The following ARHGAP42 variants were observed in gnomAD, a reference collection of about 807,000 sequenced individuals.
ARHGAP42 encodes Rho GTPase activating protein 42, also known as rho GTPase-activating protein 42.
A neutral mutation model predicts 125.0 loss-of-function variants in ARHGAP42; 63 were observed. The ratio of observed to expected loss-of-function variants is 0.50; its 90% CI spans 0.41 to 0.62. The LOEUF is 0.62. ARHGAP42 is among the 20% of genes least tolerant of loss of function. The pLI, the probability that ARHGAP42 is intolerant of heterozygous loss-of-function variation, is 0.00. For synonymous variants in ARHGAP42, 339 were observed against 351.0 expected, an observed-to-expected ratio of 0.97 and a Z score of 0.38; for missense variants, 766 against 1,024.2, an observed-to-expected ratio of 0.75 and a Z score of 3.44.
chr11:100,788,650 A>G (rs551309978), intron 2 of ARHGAP42, among the ~76,000 whole-genome samples: 1 of 152,312 alleles, frequency 6.6e-6, no homozygotes, highest in African/African-American at 2.4e-5. Context: ...GATAAAACCA[A>G]TATTGCAGAG....
chr11:100,852,184 C>T (rs1228814395), intron 3 of ARHGAP42, among the ~76,000 whole-genome samples: 2 of 152,104 alleles, frequency 1.3e-5, no homozygotes, highest in Non-Finnish European at 2.9e-5. Context: ...TGCACAACTA[C>T]AATAAGTAAT....
intron 3 of ARHGAP42, among the ~76,000 whole-genome samples, chr11:100,838,980 CT>C (rs577284328): frequency 5.9e-4 from 86 of 146,466 alleles, no homozygotes; most frequent in Admixed American, 9.5e-4. Flanking sequence ...GAAATTATAA[CT>C]TTTTTTTTTT....
At chr11:100,803,087 T>C (rs1863900168) in intron 3 of ARHGAP42, among the ~76,000 whole-genome samples, 1 of 151,910 alleles carries the variant, frequency 6.6e-6, no homozygotes, top group Non-Finnish European at 1.5e-5. Flanking sequence ...ATGGAGCTGG[T>C]GGGGGATGTT....
At chr11:100,740,440 C>G (rs7930157) in intron 1 of ARHGAP42, among the ~76,000 whole-genome samples, 82,046 of 151,996 alleles carry the variant, frequency 0.54, 22,693 homozygotes, top group African/African-American at 0.68. Flanking sequence ...AACAGGTTAA[C>G]TAATTTGCTC....
intron 1 of ARHGAP42, among the ~76,000 whole-genome samples, chr11:100,750,306 T>A (rs1011830032): frequency 2.0e-5 from 3 of 152,150 alleles, no homozygotes; most frequent in Non-Finnish European, 4.4e-5. Flanking sequence ...CTGATGCACG[T>A]GGCCCCTGCT....
At chr11:100,735,560 A>C (rs1247937511) in intron 1 of ARHGAP42, among the ~76,000 whole-genome samples, 1 of 151,918 alleles carries the variant, frequency 6.6e-6, no homozygotes, top group Non-Finnish European at 1.5e-5. Context: ...AAATATGAAA[A>C]AACTGGGGAA....
chr11:100,749,804 G>A (rs1171321832), intron 1 of ARHGAP42, among the ~76,000 whole-genome samples: 1 of 152,076 alleles, frequency 6.6e-6, no homozygotes, highest in East Asian at 1.9e-4. Flanking sequence ...AGGGTCGTTT[G>A]TGATCATTCA....
intron 1 of ARHGAP42, among the ~76,000 whole-genome samples, chr11:100,744,856 A>C (rs1219792043): frequency 6.6e-6 from 1 of 152,212 alleles, no homozygotes; most frequent in Non-Finnish European, 1.5e-5. Flanking sequence ...TCTGCAAGGC[A>C]ATGTACTTGG....
chr11:100,764,992 T>G (rs1862796047), intron 1 of ARHGAP42, among the ~76,000 whole-genome samples: 1 of 152,112 alleles, frequency 6.6e-6, no homozygotes, highest in Non-Finnish European at 1.5e-5. Flanking sequence ...AAATGAGGAC[T>G]TGAGGAGGAC....
chr11:100,978,849 C>T (rs749969042), intron 21 of ARHGAP42, 138 bp from the exon 22 acceptor site: 17 of 778,954 alleles, frequency 2.2e-5, no homozygotes, highest in Non-Finnish European at 3.2e-5. Context: ...AAGGTTAAAA[C>T]AATTAAAATT....
At chr11:100,807,178 G>A (rs988248512) in intron 3 of ARHGAP42, among the ~76,000 whole-genome samples, 3 of 148,158 alleles carry the variant, frequency 2.0e-5, no homozygotes, top group African/African-American at 5.0e-5. Context: ...TGTGCAAAGA[G>A]CTTTTATATA....
At chr11:100,979,179 C>T (rs1279817089) in intron 22 of ARHGAP42, 130 bp downstream of exon 22, 2 of 821,348 alleles carry the variant, frequency 2.4e-6, no homozygotes, top group African/African-American at 3.4e-5. Flanking sequence ...TCCACTGGCC[C>T]TTCACAGGAA....
intron 1 of ARHGAP42, among the ~76,000 whole-genome samples, chr11:100,762,970 ATTTTTT>A (rs553749625): frequency 8.2e-5 from 7 of 85,022 alleles, no homozygotes; most frequent in African/African-American, 2.9e-4. Context: ...GTTTATAGTG[ATTTTTT>A]TTTTTTTTTT....
chr11:100,876,024 TA>T (rs1056670706), intron 4 of ARHGAP42, among the ~76,000 whole-genome samples: 4 of 151,996 alleles, frequency 2.6e-5, no homozygotes, highest in Admixed American at 1.3e-4. Flanking sequence ...TGATTCCTTA[TA>T]AAAAAAATTT....
intron 10 of ARHGAP42, among the ~76,000 whole-genome samples, chr11:100,946,928 A>G (rs570826585): frequency 2.1e-4 from 32 of 151,892 alleles, no homozygotes; most frequent in African/African-American, 7.2e-4. Context: ...GCAAAGCTCA[A>G]TCAAGCAAAG....
chr11:100,832,521 T>C (rs2135096333), intron 3 of ARHGAP42, among the ~76,000 whole-genome samples: 1 of 152,328 alleles, frequency 6.6e-6, no homozygotes, highest in Non-Finnish European at 1.5e-5. Flanking sequence ...TCTAAAAGTC[T>C]TCCTAACACG....
At chr11:100,853,633 A>G (rs947482969) in intron 3 of ARHGAP42, among the ~76,000 whole-genome samples, 1 of 152,022 alleles carries the variant, frequency 6.6e-6, no homozygotes. Flanking sequence ...CTCCTCTCCC[A>G]CTTCCTCTGC....
intron 1 of ARHGAP42, among the ~76,000 whole-genome samples, chr11:100,710,869 G>C (rs1211100928): frequency 1.3e-5 from 2 of 152,108 alleles, no homozygotes; most frequent in East Asian, 3.9e-4. Flanking sequence ...AAATCTCGTA[G>C]GGTGCCTTTT....
At chr11:100,723,494 G>C (rs1241417571) in intron 1 of ARHGAP42, among the ~76,000 whole-genome samples, 1 of 151,912 alleles carries the variant, frequency 6.6e-6, no homozygotes, top group Non-Finnish European at 1.5e-5. Context: ...GATATATTTT[G>C]TTAGATTTAA....
Sources: gnomAD v4.1 joint callset for allele counts (sites outside exome capture counted in the v4.1 genomes callset) on GRCh38, gnomAD v4.1.1 for gene constraint, MANE v1.5 for transcripts, NCBI Gene and HGNC (gene_info 2026-07-23, HGNC 2026-07-21) for gene names.